Variants in PTPRZ1 observed in about 807,000 individuals in gnomAD.
PTPRZ1 encodes receptor-type tyrosine-protein phosphatase zeta.
A neutral mutation model predicts 214.1 loss-of-function variants in PTPRZ1; 82 were observed. The observed-to-expected ratio is 0.38, with a 90% CI of 0.32 to 0.46. The LOEUF is 0.46. Ranked by LOEUF, PTPRZ1 falls within the 20% of genes least tolerant of loss-of-function variation. The probability of loss-of-function intolerance (pLI) is 1.00; values close to 1 mark genes in which losing one functional copy is unlikely to be tolerated. For missense variants in PTPRZ1, 2,603 were observed against 2,748.7 expected, an observed-to-expected ratio of 0.95 and a Z score of 1.19; for synonymous variants, 945 against 987.9, an observed-to-expected ratio of 0.96 and a Z score of 0.81.
chr7:121,921,307 T>G (rs1795591074), intron 1 of PTPRZ1, among the ~76,000 whole-genome samples: 1 of 152,144 alleles, frequency 6.6e-6, no homozygotes, highest in Non-Finnish European at 1.5e-5. Flanking sequence ...ATAGAAATTC[T>G]CTCTCTGAAA....
chr7:121,942,263 A>G (rs1380995416), intron 2 of PTPRZ1, among the ~76,000 whole-genome samples: 1 of 152,230 alleles, frequency 6.6e-6, no homozygotes. Context: ...CTGACCTGTA[A>G]ATCAAAGGAT....
At chr7:121,987,587 A>G (rs997656140) in intron 8 of PTPRZ1, among the ~76,000 whole-genome samples, 1 of 152,122 alleles carries the variant, frequency 6.6e-6, no homozygotes. Context: ...TTGGCTTTTT[A>G]ATAATAGCCA....
intron 11 of PTPRZ1, 110 bp from the exon 12 acceptor site, chr7:122,010,224 G>A (rs1198621690): frequency 9.6e-7 from 1 of 1,044,688 alleles, no homozygotes; most frequent in East Asian, 2.5e-5. Flanking sequence ...GTTTTATGAG[G>A]ATGAGAAGTT....
intron 3 of PTPRZ1, among the ~76,000 whole-genome samples, chr7:121,971,147 G>C (rs1200427989): frequency 6.6e-6 from 1 of 151,984 alleles, no homozygotes; most frequent in Non-Finnish European, 1.5e-5. Context: ...GCTCTGTTCT[G>C]TTCCATTGGT....
rs1799656435 is a variant in PTPRZ1, at chr7:122,039,687, A to C, written c.5637+99A>C. ...AACCAAGAAAGGGTAAAAAGCATATAACTAAAGGCATTAAAAATTCTTGTA... is the reference window on the plus strand; with the variant it reads ...AACCAAGAAAGGGTAAAAAGCATATCACTAAAGGCATTAAAAATTCTTGTA... On this transcript the variant is annotated intron_variant, in intron 20 of 29. Coordinates refer to ENST00000393386, the MANE Select transcript of PTPRZ1 (RefSeq NM_002851.3). 1.1e-5 allele frequency: 16 copies of C among 1,415,324 alleles called. No homozygotes were observed. In the East Asian group the frequency reaches 3.5e-4, roughly 31 times the overall value. The allele number at this position is 1,415,324 out of a possible 1,614,324, so 87.7% of individuals were successfully genotyped here. A position where few individuals can be genotyped will look rare whatever the true frequency, so the allele number is the denominator to read the frequency against.
intron 21 of PTPRZ1, 68 bp from the exon 22 acceptor site, chr7:122,042,540 A>T: frequency 7.0e-7 from 1 of 1,436,042 alleles, no homozygotes; most frequent in Non-Finnish European, 9.4e-7. Context: ...GACAACCAGT[A>T]GTGATCTATT....
rs778834659 is a variant in PTPRZ1 at position 121,997,988 on chromosome 7, A to G, written c.1222A>G (p.Met408Val). The change falls in exon 10 of 30, where the codon ATG becomes GTG. Residue 408 changes from methionine to valine, a missense_variant. This residue lies in a region of PTPRZ1 where 244 missense variants were observed against 333.2 expected (regional missense o/e 0.73). Coordinates refer to ENST00000393386, the MANE Select transcript of PTPRZ1 (RefSeq NM_002851.3). ...ATACAGCGACCAACTGATTGTCGAC[A>G]TGCCTACTGATAATCCTGGTAAGTG... ...GKYSDQLIVD[M>V]PTDNPELDLF... The G allele has an allele frequency of 1.9e-6, 3 of 1,613,030 alleles. No homozygotes were observed. The highest frequency in any genetic ancestry group is 2.2e-5 in the South Asian group (2 of 90,994).
chr7:121,908,075 A>G (rs929414594), intron 1 of PTPRZ1, among the ~76,000 whole-genome samples: 3 of 152,112 alleles, frequency 2.0e-5, no homozygotes, highest in African/African-American at 7.2e-5. Context: ...CTAAGCTCTA[A>G]CCAAATGTGT....
Position 122,012,146 on chromosome 7 carries a change from T to C in PTPRZ1, c.3100T>C (p.Phe1034Leu). Residue 1034 changes from phenylalanine (F) to leucine (L), a missense_variant, in exon 12 of 30, where the codon TTT becomes CTT. Phe to Leu is a conservative substitution (Grantham distance 22). Coordinates refer to ENST00000393386, the MANE Select transcript of PTPRZ1 (RefSeq NM_002851.3). ...VAEFTYTTSV[F>L]GDDNKALSKS... Reference sequence around the variant, plus strand: ...TGAATTTACATATACAACATCTGTGTTTGGTGATGATAATAAGGCGCTTTC... The same window carrying C: ...TGAATTTACATATACAACATCTGTGCTTGGTGATGATAATAAGGCGCTTTC... 6.2e-7 allele frequency: 1 copy of C among 1,613,930 alleles called. No homozygotes were observed. The highest frequency in any genetic ancestry group is 8.5e-7 in the Non-Finnish European group (1 of 1,179,812).
intron 6 of PTPRZ1, among the ~76,000 whole-genome samples, chr7:121,981,362 A>G (rs1173109974): frequency 6.6e-6 from 1 of 151,896 alleles, no homozygotes; most frequent in Non-Finnish European, 1.5e-5. Context: ...GATTATTCAC[A>G]TAAGGATTAA....
At chr7:121,935,687 C>T (rs1468525004) in intron 2 of PTPRZ1, among the ~76,000 whole-genome samples, 5 of 152,098 alleles carry the variant, frequency 3.3e-5, no homozygotes, top group African/African-American at 4.8e-5. Flanking sequence ...CCTGCCTCAG[C>T]CTCCTGAGTA....
chr7:122,054,414 T>TA (rs1039947373), intron 26 of PTPRZ1, among the ~76,000 whole-genome samples: 5 of 151,828 alleles, frequency 3.3e-5, no homozygotes, highest in South Asian at 2.1e-4. Flanking sequence ...ATTTTTTCTT[T>TA]AAAAAAAAGA....
chr7:121,947,732 A>G (rs895091377), intron 2 of PTPRZ1, among the ~76,000 whole-genome samples: 7 of 152,188 alleles, frequency 4.6e-5, no homozygotes, highest in African/African-American at 7.2e-5. Context: ...GCTCTTTACC[A>G]GTTTATTAGC....
chr7:122,015,559 ATGAACTGTTATC>A (rs781243577), intron 12 of PTPRZ1, among the ~76,000 whole-genome samples: 3 of 152,136 alleles, frequency 2.0e-5, no homozygotes, highest in Non-Finnish European at 2.9e-5. Flanking sequence ...TGTCATATAT[ATGAACTGTTATC>A]TGTTCTCAAT....
intron 1 of PTPRZ1, among the ~76,000 whole-genome samples, chr7:121,917,117 A>G (rs1390726405): frequency 6.6e-6 from 1 of 152,216 alleles, no homozygotes; most frequent in Non-Finnish European, 1.5e-5. Flanking sequence ...AATAAACTGT[A>G]CAATACAAGG....
chr7:121,911,464 C>T (rs1204902280), intron 1 of PTPRZ1, among the ~76,000 whole-genome samples: 5 of 152,066 alleles, frequency 3.3e-5, no homozygotes, highest in Middle Eastern at 6.8e-3. Context: ...TAACTAGTTA[C>T]GTGTATATTG....
chr7:122,012,109 T>C lies in PTPRZ1; in HGVS notation c.3063T>C (p.Pro1021=), dbSNP rs1798686771. The change falls in exon 12 of 30, where the codon CCT becomes CCC. Residue 1021 remains proline (P), a synonymous_variant. Transcript: ENST00000393386. ...DGLTALNISS[P]VSVAEFTYTT... The stretch of plus-strand genomic sequence containing the variant: ...TGACAGCCCTTAACATTTCTTCACC[T>C]GTTTCTGTAGCTGAATTTACATATA... The C allele has an allele frequency of 6.2e-7, 1 of 1,613,942 alleles. No homozygotes were observed. The highest frequency in any genetic ancestry group is 1.7e-5 in the Admixed American group (1 of 60,006).
intron 1 of PTPRZ1, among the ~76,000 whole-genome samples, chr7:121,926,257 A>T (rs1004820732): frequency 1.3e-5 from 2 of 149,642 alleles, no homozygotes; most frequent in African/African-American, 5.0e-5. Context: ...GTGAGCTGAG[A>T]TCATGCCATT....
chr7:121,904,473 C>T (rs1795062513), intron 1 of PTPRZ1, among the ~76,000 whole-genome samples: 1 of 152,186 alleles, frequency 6.6e-6, no homozygotes, highest in Admixed American at 6.5e-5. Context: ...GGACCAGAAT[C>T]TTCCTGTTCT....
Sources: gnomAD v4.1 joint callset for allele counts (sites outside exome capture counted in the v4.1 genomes callset) on GRCh38, gnomAD v4.1.1 for gene constraint, gnomAD v4.1.1 regional missense constraint, MANE v1.5 for transcripts, NCBI Gene and HGNC (gene_info 2026-07-23, HGNC 2026-07-21) for gene names.